Variants in GRM5 observed in about 807,000 individuals in gnomAD.
The protein encoded by GRM5 is metabotropic glutamate receptor 5.
In GRM5, 19 loss-of-function variants were observed where a neutral mutation model predicts 83.1. That is an observed-to-expected ratio of 0.23 (90% CI 0.16 to 0.34). The LOEUF (loss-of-function observed/expected upper bound fraction) is 0.34, where lower values mean the gene tolerates loss of function less well. Ranked by LOEUF, GRM5 falls within the 10% of genes least tolerant of loss-of-function variation. The pLI is 1.00. For missense variants in GRM5, 1,160 were observed against 1,588.3 expected, an observed-to-expected ratio of 0.73 and a Z score of 4.58; for synonymous variants, 675 against 633.6, an observed-to-expected ratio of 1.07 and a Z score of -0.98.
chr11:88,869,998 G>A (rs1436950748), intron 2 of GRM5, among the ~76,000 whole-genome samples: 1 of 151,412 alleles, frequency 6.6e-6, no homozygotes, highest in Admixed American at 6.6e-5. Flanking sequence ...TCTAATAGAA[G>A]TAAGAAAAAA....
At chr11:88,745,169 TCTC>T (rs1312394068) in intron 3 of GRM5, among the ~76,000 whole-genome samples, 1 of 148,534 alleles carries the variant, frequency 6.7e-6, no homozygotes, top group Non-Finnish European at 1.5e-5. Context: ...ACTACTCACT[TCTC>T]CTAATTTTTT....
At chr11:88,959,212 C>T (rs1297780375) in intron 2 of GRM5, among the ~76,000 whole-genome samples, 1 of 151,910 alleles carries the variant, frequency 6.6e-6, no homozygotes, top group Admixed American at 6.6e-5. Flanking sequence ...GAAGTGTAAA[C>T]AATTTAAATT....
chr11:88,641,877 A>G (rs1158930638), intron 4 of GRM5, among the ~76,000 whole-genome samples: 1 of 152,184 alleles, frequency 6.6e-6, no homozygotes, highest in Non-Finnish European at 1.5e-5. Context: ...TTCCAAATGA[A>G]GGGTGAAAGT....
intron 6 of GRM5, among the ~76,000 whole-genome samples, chr11:88,593,720 C>CCTTT (rs1937710530): frequency 6.6e-6 from 1 of 150,922 alleles, no homozygotes. Context: ...TTACATTTTC[C>CCTTT]CTTTCTTCCT....
chr11:88,977,537 T>C (rs527761719), intron 2 of GRM5, among the ~76,000 whole-genome samples: 21 of 152,286 alleles, frequency 1.4e-4, no homozygotes, highest in Admixed American at 4.6e-4. Context: ...AAAAATAAAG[T>C]TCCATTCGGA....
At chr11:88,541,918 C>T (rs1942277524) in intron 8 of GRM5, among the ~76,000 whole-genome samples, 1 of 152,280 alleles carries the variant, frequency 6.6e-6, no homozygotes, top group Admixed American at 6.5e-5. Context: ...ATGCTCTTCT[C>T]ATGATAGTGA....
chr11:88,999,655 T>C (rs1940305612), intron 2 of GRM5, among the ~76,000 whole-genome samples: 1 of 152,102 alleles, frequency 6.6e-6, no homozygotes, highest in Non-Finnish European at 1.5e-5. Context: ...GTAAACTAGT[T>C]CAACCATTGT....
At chr11:88,573,168 T>C (rs1230943842) in intron 7 of GRM5, among the ~76,000 whole-genome samples, 1 of 152,172 alleles carries the variant, frequency 6.6e-6, no homozygotes, top group Admixed American at 6.5e-5. Flanking sequence ...AACTGACATA[T>C]ATTGAAAAGA....
Position 89,048,058 on chromosome 11 carries a change from C to A in GRM5, c.-186G>T. The stretch of plus-strand genomic sequence containing the variant: ...CATTTAGTTAGATGATCCATGTGGT[C>A]ATGATCTTCTAAACCTGAAAAAAAA... On this transcript the variant is annotated 5_prime_UTR_variant, in exon 2 of 10. It removes an upstream start codon present in the reference 5' UTR. Coordinates refer to ENST00000305447, the MANE Select transcript of GRM5 (RefSeq NM_001143831.3). 7.2e-6 allele frequency: 4 copies of A among 558,034 alleles called. No individual in the cohort carries two copies. Among genetic ancestry groups the A allele is most frequent in the East Asian group, 3.0e-5 (1 of 33,750 alleles). The allele number at this position is 558,034 out of a possible 1,614,324, so 34.6% of individuals were successfully genotyped here.
At chr11:88,528,509 T>C (rs1241628284) in intron 8 of GRM5, among the ~76,000 whole-genome samples, 1 of 152,086 alleles carries the variant, frequency 6.6e-6, no homozygotes, top group Non-Finnish European at 1.5e-5. Context: ...GTTGAGTTTA[T>C]TTTAGAAATA....
At chr11:88,523,960 C>T (rs147348034) in intron 9 of GRM5, 3 of 152,288 alleles carry the variant, frequency 2.0e-5, no homozygotes, top group Non-Finnish European at 2.9e-5. Context: ...CATGCATATG[C>T]ACATACTCTA....
chr11:88,990,323 A>T (rs1279097991), intron 2 of GRM5, among the ~76,000 whole-genome samples: 1 of 152,082 alleles, frequency 6.6e-6, no homozygotes, highest in Non-Finnish European at 1.5e-5. Context: ...AAGAAGTTGA[A>T]TCTCTGAATA....
At chr11:88,574,656 A>C (rs1943069197) in intron 7 of GRM5, among the ~76,000 whole-genome samples, 1 of 152,050 alleles carries the variant, frequency 6.6e-6, no homozygotes, top group African/African-American at 2.4e-5. Flanking sequence ...AGTCCCAGCT[A>C]CTCAGGAGGC....
At chr11:88,886,069 T>C (rs976673898) in intron 2 of GRM5, among the ~76,000 whole-genome samples, 14 of 152,190 alleles carry the variant, frequency 9.2e-5, no homozygotes, top group Non-Finnish European at 2.1e-4. Flanking sequence ...CTATGAGCCC[T>C]GTATAAATCA....
At chr11:89,046,653 G>A (rs945038637) in intron 2 of GRM5, among the ~76,000 whole-genome samples, 1 of 152,012 alleles carries the variant, frequency 6.6e-6, no homozygotes, top group Non-Finnish European at 1.5e-5. Context: ...TTCTATACAA[G>A]GATAAAATTA....
chr11:88,623,368 G>A (rs1318896204), intron 4 of GRM5, among the ~76,000 whole-genome samples: 2 of 152,094 alleles, frequency 1.3e-5, no homozygotes, highest in African/African-American at 4.8e-5. Flanking sequence ...GACCTCAGGT[G>A]ACCCGCCCGC....
chr11:88,740,494 C>G (rs1455032603), intron 3 of GRM5, among the ~76,000 whole-genome samples: 1 of 151,964 alleles, frequency 6.6e-6, no homozygotes, highest in Non-Finnish European at 1.5e-5. Context: ...CTTGTTTCAA[C>G]TATTAATTGT....
chr11:88,568,361 A>G (rs187680472), intron 7 of GRM5, among the ~76,000 whole-genome samples: 262 of 152,282 alleles, frequency 1.7e-3, no homozygotes, highest in Non-Finnish European at 3.3e-3. Context: ...GGCCTCCTAC[A>G]ATAGGAATGA....
At chr11:88,540,163 G>T (rs1383437513) in intron 8 of GRM5, among the ~76,000 whole-genome samples, 2 of 152,142 alleles carry the variant, frequency 1.3e-5, no homozygotes, top group Non-Finnish European at 2.9e-5. Context: ...TCATTCACCA[G>T]TTCTTGTCTC....
Sources: allele counts gnomAD v4.1 joint callset (sites outside exome capture counted in the v4.1 genomes callset), GRCh38; gene constraint gnomAD v4.1.1; transcripts MANE v1.5; gene names NCBI Gene and HGNC (gene_info 2026-07-23, HGNC 2026-07-21).